The following UBE2K variants were observed in gnomAD, a reference collection of about 807,000 sequenced individuals.
The protein encoded by UBE2K is ubiquitin conjugating enzyme E2 K.
A neutral mutation model predicts 30.0 loss-of-function variants in UBE2K; 6 were observed. The ratio of observed to expected loss-of-function variants is 0.20; its 90% CI spans 0.11 to 0.39. UBE2K has a LOEUF of 0.39. UBE2K is among the 10% of genes least tolerant of loss of function. UBE2K has a pLI of 1.00. For missense variants in UBE2K, 61 were observed against 241.6 expected (o/e 0.25, Z 4.96); for synonymous variants, 86 against 83.7 (o/e 1.03, Z -0.15).
intron 3 of UBE2K, among the ~76,000 whole-genome samples, chr4:39,750,125 C>CGG (rs1412167044): frequency 6.6e-6 from 1 of 151,994 alleles, no homozygotes; most frequent in Non-Finnish European, 1.5e-5. Context: ...ACCCAAGAGG[C>CGG]GGAGGTTGCA....
intron 1 of UBE2K, among the ~76,000 whole-genome samples, chr4:39,722,103 C>T (rs1412928351): frequency 2.0e-5 from 3 of 152,068 alleles, no homozygotes; most frequent in Admixed American, 1.3e-4. Context: ...AAAAAAACCC[C>T]AAACTTCTAT....
At chr4:39,770,136 G>T in intron 4 of UBE2K, 1 of 1,597,826 alleles carries the variant, frequency 6.3e-7, no homozygotes, top group South Asian at 1.1e-5. Context: ...GTTCTCGGCG[G>T]TGGTCTTGCC....
chr4:39,778,445 G>C lies in UBE2K; in HGVS notation c.*11G>C. The C allele has an allele frequency of 2.5e-6, 4 of 1,588,792 alleles. No homozygotes were observed. Among genetic ancestry groups the C allele is most frequent in the Non-Finnish European group, 3.5e-6 (4 of 1,158,846 alleles). Reference sequence around the variant, plus strand: ...CTTCTGAGTAACTGAGGCATAGAGAGCTGCTGATATAGTCAAGCTTGCCTC... The same window carrying C: ...CTTCTGAGTAACTGAGGCATAGAGACCTGCTGATATAGTCAAGCTTGCCTC... On this transcript the variant is annotated 3_prime_UTR_variant, in exon 7 of 7. Transcript: ENST00000261427.
intron 1 of UBE2K, among the ~76,000 whole-genome samples, chr4:39,722,908 G>T (rs1719507889): frequency 6.7e-6 from 1 of 150,256 alleles, no homozygotes; most frequent in Non-Finnish European, 1.5e-5. Context: ...TGATTCTCCT[G>T]CCTCAGCCCC....
chr4:39,712,368 AT>A (rs60301036), intron 1 of UBE2K, among the ~76,000 whole-genome samples: 4,043 of 53,374 alleles, frequency 0.076, 147 homozygotes, highest in Non-Finnish European at 0.1. Flanking sequence ...CGCCCGGCCA[AT>A]TTTTTTTTTT....
intron 5 of UBE2K, among the ~76,000 whole-genome samples, chr4:39,776,439 A>G (rs1313278077): frequency 6.6e-6 from 1 of 151,972 alleles, no homozygotes; most frequent in Non-Finnish European, 1.5e-5. Context: ...ACTAACAAAA[A>G]CTTGTTCGTA....
At chr4:39,726,665 G>A (rs559134388) in intron 1 of UBE2K, among the ~76,000 whole-genome samples, 1 of 152,022 alleles carries the variant, frequency 6.6e-6, no homozygotes, top group Non-Finnish European at 1.5e-5. Flanking sequence ...GTGCGATCTC[G>A]GCTTACTGCA....
At chr4:39,771,237 G>C in intron 4 of UBE2K, 2 of 1,612,154 alleles carry the variant, frequency 1.2e-6, no homozygotes, top group Non-Finnish European at 1.7e-6. Flanking sequence ...GCAGCTCCGA[G>C]CTGGGGTTAA....
At chr4:39,712,031 ACT>A (rs1347939718) in intron 1 of UBE2K, among the ~76,000 whole-genome samples, 3 of 149,510 alleles carry the variant, frequency 2.0e-5, no homozygotes, top group African/African-American at 7.4e-5. Flanking sequence ...AGAGAGGGAG[ACT>A]CTGTCTCAAA....
intron 4 of UBE2K, chr4:39,770,012 C>T: frequency 2.3e-6 from 3 of 1,308,784 alleles, no homozygotes; most frequent in South Asian, 1.4e-5. Flanking sequence ...CACCAATTCT[C>T]CTGGGCCAAA....
chr4:39,712,417 G>A (rs535241771), intron 1 of UBE2K, among the ~76,000 whole-genome samples: 2 of 106,664 alleles, frequency 1.9e-5, no homozygotes, highest in South Asian at 3.1e-4. Context: ...GGGTTTCTCC[G>A]TGTTTTTTTT....
At chr4:39,770,073 C>G (rs1181890898) in intron 4 of UBE2K, 1 of 1,537,414 alleles carries the variant, frequency 6.5e-7, no homozygotes, top group Non-Finnish European at 8.7e-7. Context: ...GCCTCCACGC[C>G]TGCGCGGCTA....
intron 1 of UBE2K, among the ~76,000 whole-genome samples, chr4:39,708,140 T>A (rs1009918366): frequency 6.6e-6 from 1 of 152,016 alleles, no homozygotes; most frequent in African/African-American, 2.4e-5. Flanking sequence ...ACTCAGGTGA[T>A]CTGCCAGCCT....
At chr4:39,702,347 T>C (rs1231364340) in intron 1 of UBE2K, among the ~76,000 whole-genome samples, 3 of 147,274 alleles carry the variant, frequency 2.0e-5, no homozygotes, top group Non-Finnish European at 3.0e-5. Flanking sequence ...CTCCGCCTCC[T>C]GGATTCAAGC....
intron 1 of UBE2K, among the ~76,000 whole-genome samples, chr4:39,719,789 G>A (rs138420890): frequency 2.8e-4 from 43 of 152,292 alleles, no homozygotes; most frequent in African/African-American, 1.0e-3. Context: ...TCACTGTAGT[G>A]ACTTAGTTTT....
intron 4 of UBE2K, among the ~76,000 whole-genome samples, chr4:39,766,836 G>T (rs1255993767): frequency 6.6e-6 from 1 of 151,998 alleles, no homozygotes; most frequent in East Asian, 1.9e-4. Flanking sequence ...TGCAGCCTCT[G>T]CCTCCTGGGT....
intron 4 of UBE2K, among the ~76,000 whole-genome samples, chr4:39,760,176 C>CAAAAAA (rs71194913): frequency 0.078 from 5,988 of 77,086 alleles, 705 homozygotes; most frequent in African/African-American, 0.17. Flanking sequence ...GACTCTGTCA[C>CAAAAAA]AAAAAAAAAA....
intron 4 of UBE2K, among the ~76,000 whole-genome samples, chr4:39,773,795 C>T (rs969377289): frequency 1.3e-5 from 2 of 152,006 alleles, no homozygotes; most frequent in Admixed American, 6.6e-5. Flanking sequence ...GTGGCGGGCG[C>T]CTGTTGTCCC....
intron 4 of UBE2K, among the ~76,000 whole-genome samples, chr4:39,759,673 T>A (rs981139664): frequency 3.9e-5 from 6 of 152,222 alleles, no homozygotes; most frequent in Non-Finnish European, 8.8e-5. Flanking sequence ...TAATGGTGTC[T>A]ACTTACCTGG....
Sources: allele counts gnomAD v4.1 joint callset (sites outside exome capture counted in the v4.1 genomes callset), GRCh38; gene constraint gnomAD v4.1.1; transcripts MANE v1.5; gene names NCBI Gene and HGNC (gene_info 2026-07-23, HGNC 2026-07-21).